Variants in SKAP1 observed in about 807,000 individuals in gnomAD.
SKAP1 encodes the protein src kinase associated phosphoprotein 1, also known as src kinase-associated phosphoprotein 1.
Under a neutral mutation model 58.5 loss-of-function variants are expected in SKAP1, and 44 were observed. That is an observed-to-expected ratio of 0.75 (90% CI 0.59 to 0.97). The LOEUF (loss-of-function observed/expected upper bound fraction) is 0.97. SKAP1 is among the 50% of genes least tolerant of loss of function. The pLI is 0.00. For missense variants in SKAP1, 390 were observed against 435.2 expected, an observed-to-expected ratio of 0.90 and a Z score of 0.92; for synonymous variants, 127 against 149.7, an observed-to-expected ratio of 0.85 and a Z score of 1.11.
At chr17:48,281,836 A>G (rs926436108) in intron 4 of SKAP1, among the ~76,000 whole-genome samples, 4 of 152,218 alleles carry the variant, frequency 2.6e-5, no homozygotes, top group Non-Finnish European at 4.4e-5. Context: ...ACAAAAACAG[A>G]CAAAAAATAA....
intron 4 of SKAP1, among the ~76,000 whole-genome samples, chr17:48,288,579 G>A (rs186626953): frequency 5.9e-4 from 90 of 152,138 alleles, no homozygotes; most frequent in Non-Finnish European, 8.5e-4. Context: ...CCAGCTACTC[G>A]GGAGGCTGAG....
intron 9 of SKAP1, 148 bp from the exon 10 acceptor site, chr17:48,170,807 T>G: frequency 2.9e-6 from 2 of 683,330 alleles, no homozygotes; most frequent in Non-Finnish European, 2.5e-6. Flanking sequence ...ACGTCTGGGG[T>G]TCAAGGGATT....
chr17:48,220,776 C>G (rs2064993015), intron 4 of SKAP1, among the ~76,000 whole-genome samples: 1 of 143,734 alleles, frequency 7.0e-6, no homozygotes, highest in African/African-American at 2.7e-5. Context: ...TCGCTTGAAC[C>G]CAGGAGGTGG....
At chr17:48,412,334 A>G (rs1040811312) in intron 1 of SKAP1, among the ~76,000 whole-genome samples, 1 of 152,224 alleles carries the variant, frequency 6.6e-6, no homozygotes, top group African/African-American at 2.4e-5. Context: ...CATTTTCATC[A>G]TCTTCTTTAT....
intron 1 of SKAP1, among the ~76,000 whole-genome samples, chr17:48,419,339 C>T (rs149933894): frequency 3.6e-3 from 545 of 151,408 alleles, no homozygotes; most frequent in African/African-American, 0.013. Flanking sequence ...GGCTGGAGTG[C>T]AGTGGTGCTA....
chr17:48,150,596 C>A (rs1285637895), intron 11 of SKAP1, among the ~76,000 whole-genome samples: 1 of 152,084 alleles, frequency 6.6e-6, no homozygotes, highest in Non-Finnish European at 1.5e-5. Context: ...TATTTATTTC[C>A]TATAAATCGG....
intron 3 of SKAP1, among the ~76,000 whole-genome samples, chr17:48,356,215 G>A (rs1403885732): frequency 6.6e-6 from 1 of 151,994 alleles, no homozygotes; most frequent in Non-Finnish European, 1.5e-5. Context: ...TCGAGATCAA[G>A]CCACTGCACT....
intron 1 of SKAP1, among the ~76,000 whole-genome samples, chr17:48,405,389 TTTCCTTTCTTTCTTTC>T (rs1405024837): frequency 1.4e-5 from 2 of 147,732 alleles, no homozygotes; most frequent in East Asian, 2.0e-4. Context: ...TTTTTTTCTC[TTTCCTTTCTTTCTTTC>T]TTTCTTTCTT....
intron 3 of SKAP1, among the ~76,000 whole-genome samples, chr17:48,353,690 G>A (rs1171712143): frequency 2.0e-5 from 3 of 152,108 alleles, no homozygotes; most frequent in Admixed American, 2.0e-4. Context: ...GAGGTCAGGA[G>A]TTCAAGATCA....
intron 4 of SKAP1, among the ~76,000 whole-genome samples, chr17:48,202,741 C>T (rs1190651363): frequency 6.6e-6 from 1 of 152,068 alleles, no homozygotes; most frequent in Admixed American, 6.6e-5. Flanking sequence ...TCTATTTGCA[C>T]AGCTCATTAA....
intron 9 of SKAP1, among the ~76,000 whole-genome samples, chr17:48,170,955 C>G (rs1395319369): frequency 1.3e-5 from 2 of 152,046 alleles, no homozygotes; most frequent in Admixed American, 1.3e-4. Flanking sequence ...GATCCACCCT[C>G]CTTGGCCTCC....
chr17:48,436,130 G>A, the SKAP1 span, among the ~76,000 whole-genome samples: 5 of 151,436 alleles, frequency 3.3e-5, no homozygotes, highest in Non-Finnish European at 5.9e-5. Context: ...GGAGTGCAAC[G>A]GTGGGATCTT....
chr17:48,387,313 G>A (rs1303880375), intron 2 of SKAP1, among the ~76,000 whole-genome samples: 1 of 152,062 alleles, frequency 6.6e-6, no homozygotes, highest in Non-Finnish European at 1.5e-5. Context: ...TCTCAGCTCT[G>A]TGTTGGTTCA....
At chr17:48,224,745 A>G (rs766862714) in intron 4 of SKAP1, among the ~76,000 whole-genome samples, 72 of 152,214 alleles carry the variant, frequency 4.7e-4, no homozygotes, top group South Asian at 3.5e-3. Context: ...TATTAATGGA[A>G]ATTTTTGGAG....
At chr17:48,347,564 G>A (rs776216753) in intron 3 of SKAP1, among the ~76,000 whole-genome samples, 5 of 151,906 alleles carry the variant, frequency 3.3e-5, no homozygotes, top group Non-Finnish European at 7.4e-5. Flanking sequence ...ACAAATATAG[G>A]ACTTTAGAAA....
At chr17:48,138,194 A>C (rs1202533065) in intron 11 of SKAP1, among the ~76,000 whole-genome samples, 2 of 151,856 alleles carry the variant, frequency 1.3e-5, no homozygotes, top group East Asian at 1.9e-4. Flanking sequence ...GATGTTGAAG[A>C]GTATGGGGCT....
intron 3 of SKAP1, among the ~76,000 whole-genome samples, chr17:48,356,602 T>C (rs2066879273): frequency 1.3e-5 from 2 of 152,176 alleles, no homozygotes; most frequent in South Asian, 4.2e-4. Context: ...TTTCCTCTTT[T>C]TAAACAAATG....
At chr17:48,183,576 G>A (rs1311489373) in intron 7 of SKAP1, among the ~76,000 whole-genome samples, 1 of 152,024 alleles carries the variant, frequency 6.6e-6, no homozygotes, top group Admixed American at 6.6e-5. Flanking sequence ...TGTTATTCTT[G>A]ATTTCTTAAA....
At chr17:48,292,811 T>A (rs776356652) in intron 4 of SKAP1, among the ~76,000 whole-genome samples, 3 of 152,222 alleles carry the variant, frequency 2.0e-5, no homozygotes, top group African/African-American at 4.8e-5. Flanking sequence ...CAATTACTGA[T>A]ACTGCAACTC....
Sources: gnomAD v4.1 joint callset for allele counts (sites outside exome capture counted in the v4.1 genomes callset) on GRCh38, gnomAD v4.1.1 for gene constraint, MANE v1.5 for transcripts, NCBI Gene and HGNC (gene_info 2026-07-23, HGNC 2026-07-21) for gene names.